Variants in RCBTB2 observed in about 807,000 individuals in gnomAD.
RCBTB2 encodes RCC1 and BTB domain-containing protein 2.
In RCBTB2, 55 loss-of-function variants were observed where a neutral mutation model predicts 65.4. That is an observed-to-expected ratio of 0.84 (90% CI 0.68 to 1.05). The LOEUF is 1.05. RCBTB2 is among the 50% of genes least tolerant of loss of function. The pLI is 0.00. For missense variants in RCBTB2, 599 were observed against 680.1 expected (o/e 0.88, Z 1.33); for synonymous variants, 220 against 255.2 (o/e 0.86, Z 1.31).
intron 6 of RCBTB2, 22 bp downstream of exon 6, chr13:48,515,183 C>T (rs1376651607): frequency 6.2e-7 from 1 of 1,603,786 alleles, no homozygotes; most frequent in Non-Finnish European, 8.5e-7. Context: ...AGCTGAAATT[C>T]TACATGGGGT....
chr13:48,511,932 T>C, intron 8 of RCBTB2, 55 bp from the exon 9 acceptor site: 1 of 1,610,680 alleles, frequency 6.2e-7, no homozygotes, highest in Non-Finnish European at 8.5e-7. Flanking sequence ...CAGCAAGCTG[T>C]CTGTTATGTG....
intron 1 of RCBTB2, among the ~76,000 whole-genome samples, 177 bp from the exon 2 acceptor site, chr13:48,524,934 A>G (rs187506260): frequency 2.6e-5 from 4 of 152,180 alleles, no homozygotes; most frequent in South Asian, 2.1e-4. Context: ...TAAAAATACT[A>G]AAGTTATAAA....
chr13:48,495,589 G>C (rs954822031), intron 14 of RCBTB2, among the ~76,000 whole-genome samples: 1 of 152,178 alleles, frequency 6.6e-6, no homozygotes, highest in African/African-American at 2.4e-5. Context: ...ATAAATACTT[G>C]TGAGTGAATT....
At chr13:48,508,084 A>G (rs1391939956) in intron 10 of RCBTB2, among the ~76,000 whole-genome samples, 1 of 152,228 alleles carries the variant, frequency 6.6e-6, no homozygotes, top group Non-Finnish European at 1.5e-5. Flanking sequence ...ACTTCTGTGA[A>G]CAGGTAACTA....
At chr13:48,511,497 A>C (rs1351718312) in intron 9 of RCBTB2, among the ~76,000 whole-genome samples, 2 of 152,214 alleles carry the variant, frequency 1.3e-5, no homozygotes, top group East Asian at 1.9e-4. Flanking sequence ...TAGGAGTAGA[A>C]CTACAGGTCA....
At chr13:48,496,365 C>G (rs774810721) in intron 13 of RCBTB2, 44 bp from the exon 14 acceptor site, 9 of 1,485,360 alleles carry the variant, frequency 6.1e-6, no homozygotes, top group Non-Finnish European at 8.1e-6. Context: ...TTTCAAGCAT[C>G]CTGATTTACA....
At chr13:48,527,773 T>C (rs1353263528) in intron 1 of RCBTB2, among the ~76,000 whole-genome samples, 1 of 152,218 alleles carries the variant, frequency 6.6e-6, no homozygotes, top group Non-Finnish European at 1.5e-5. Flanking sequence ...TATTTCTATA[T>C]ATTCTATGTT....
At chr13:48,505,476 G>A (rs529368725) in intron 10 of RCBTB2, among the ~76,000 whole-genome samples, 2 of 152,202 alleles carry the variant, frequency 1.3e-5, no homozygotes, top group African/African-American at 2.4e-5. Context: ...CGTGCCAGAC[G>A]GGGAAAATGG....
chr13:48,531,206 A>G (rs746220788), intron 1 of RCBTB2, among the ~76,000 whole-genome samples: 7 of 152,246 alleles, frequency 4.6e-5, no homozygotes, highest in African/African-American at 7.2e-5. Flanking sequence ...CCAAGCATCA[A>G]GGACAGGACG....
intron 13 of RCBTB2, among the ~76,000 whole-genome samples, 158 bp from the exon 14 acceptor site, chr13:48,496,479 T>C (rs573154350): frequency 6.6e-6 from 1 of 152,156 alleles, no homozygotes; most frequent in African/African-American, 2.4e-5. Flanking sequence ...CACTTCAGTG[T>C]GGGGCTCTAC....
At chr13:48,507,956 T>G (rs753625922) in intron 10 of RCBTB2, among the ~76,000 whole-genome samples, 2 of 152,264 alleles carry the variant, frequency 1.3e-5, no homozygotes, top group Non-Finnish European at 2.9e-5. Context: ...CATAAATTGC[T>G]GACAAATATC....
At chr13:48,504,987 C>T (rs564785925) in intron 10 of RCBTB2, among the ~76,000 whole-genome samples, 3 of 152,022 alleles carry the variant, frequency 2.0e-5, no homozygotes, top group African/African-American at 7.2e-5. Context: ...AAAAAGGCTA[C>T]GATGGCCCAC....
chr13:48,534,654 G>C (rs1043399407), upstream of RCBTB2, among the ~76,000 whole-genome samples: 4 of 152,170 alleles, frequency 2.6e-5, no homozygotes, highest in African/African-American at 9.7e-5. Flanking sequence ...ACCTATAAAA[G>C]AATGTGTTTC....
At chr13:48,504,483 C>A in intron 10 of RCBTB2, 1 of 345,768 alleles carries the variant, frequency 2.9e-6, no homozygotes, top group African/African-American at 2.2e-5. Context: ...CAAACCCTAC[C>A]CATCTTGTAA....
At chr13:48,529,527 T>A (rs1951989117) in intron 1 of RCBTB2, among the ~76,000 whole-genome samples, 1 of 152,230 alleles carries the variant, frequency 6.6e-6, no homozygotes, top group African/African-American at 2.4e-5. Flanking sequence ...TAAGAGATAT[T>A]AGCTCAGGCC....
At chr13:48,493,908 G>C (rs1229967001) in intron 14 of RCBTB2, among the ~76,000 whole-genome samples, 2 of 152,238 alleles carry the variant, frequency 1.3e-5, no homozygotes, top group African/African-American at 4.8e-5. Flanking sequence ...CCAGTGCGTA[G>C]GGCAGTGCCA....
At chr13:48,493,327 T>TCCACACACACACACACACACACACACACA in intron 14 of RCBTB2, among the ~76,000 whole-genome samples, 1 of 125,200 alleles carries the variant, frequency 8.0e-6, no homozygotes, top group African/African-American at 4.1e-5. Context: ...TCTCTCTCTC[T>TCCACACACACACACACACACACACACACA]CTCTCTCTCT....
chr13:48,533,566 T>G (rs74074915), upstream of RCBTB2, among the ~76,000 whole-genome samples: 4,135 of 152,274 alleles, frequency 0.027, 167 homozygotes, highest in African/African-American at 0.09. Flanking sequence ...GCGGAAGTCT[T>G]GTAGCCCCCT....
chr13:48,501,718 A>G (rs1380023906), intron 12 of RCBTB2, 24 bp downstream of exon 12: 1 of 1,593,086 alleles, frequency 6.3e-7, no homozygotes, highest in Non-Finnish European at 8.6e-7. Context: ...ACTTTTCTCA[A>G]TTCTCAAATA....
Sources: allele counts gnomAD v4.1 joint callset (sites outside exome capture counted in the v4.1 genomes callset), GRCh38; gene constraint gnomAD v4.1.1; transcripts MANE v1.5; gene names NCBI Gene and HGNC (gene_info 2026-07-23, HGNC 2026-07-21).